The following TBC1D14 variants were observed in gnomAD, a reference collection of about 807,000 sequenced individuals.
TBC1D14 encodes TBC1 domain family member 14.
In TBC1D14, 26 loss-of-function variants were observed where a neutral mutation model predicts 79.0. The ratio of observed to expected loss-of-function variants is 0.33; its 90% confidence interval spans 0.24 to 0.46. The LOEUF (loss-of-function observed/expected upper bound fraction) is 0.46. TBC1D14 is among the 20% of genes least tolerant of loss of function. The pLI is 1.00. For synonymous variants in TBC1D14, 394 were observed against 349.9 expected, an observed-to-expected ratio of 1.13 and a Z score of -1.40; for missense variants, 769 against 887.6, an observed-to-expected ratio of 0.87 and a Z score of 1.70.
chr4:6,914,489 T>G (rs1023222303), intron 1 of TBC1D14, among the ~76,000 whole-genome samples: 4 of 152,218 alleles, frequency 2.6e-5, no homozygotes, highest in African/African-American at 9.6e-5. Flanking sequence ...TTAGGCTGTG[T>G]GTGTAGCAGT....
At chr4:6,935,715 C>T (rs1302114329) in intron 2 of TBC1D14, among the ~76,000 whole-genome samples, 1 of 150,214 alleles carries the variant, frequency 6.7e-6, no homozygotes, top group Non-Finnish European at 1.5e-5. Flanking sequence ...GTGATCTCGG[C>T]TCAATGCAGT....
At chr4:7,027,258 TG>T (rs1722472311) in intron 13 of TBC1D14, among the ~76,000 whole-genome samples, 1 of 150,378 alleles carries the variant, frequency 6.6e-6, no homozygotes, top group African/African-American at 2.5e-5. Flanking sequence ...CATTTCCCAC[TG>T]GGGGAGAGTT....
At chr4:6,954,333 G>A (rs554062839) in intron 2 of TBC1D14, 7 of 717,510 alleles carry the variant, frequency 9.8e-6, no homozygotes, top group African/African-American at 8.7e-5. Flanking sequence ...TCCTGTTCAT[G>A]GACAGGTTTG....
At chr4:7,008,786 A>G (rs1433560993) in intron 9 of TBC1D14, among the ~76,000 whole-genome samples, 2 of 152,240 alleles carry the variant, frequency 1.3e-5, no homozygotes, top group African/African-American at 4.8e-5. Flanking sequence ...CGAAATTACA[A>G]CGGTAGAAAA....
At chr4:6,965,384 A>T (rs1485647032) in intron 2 of TBC1D14, among the ~76,000 whole-genome samples, 1 of 151,994 alleles carries the variant, frequency 6.6e-6, no homozygotes, top group African/African-American at 2.4e-5. Context: ...CATGACATTG[A>T]CATTTTGAGA....
At chr4:6,992,200 T>C (rs1718568892) in intron 3 of TBC1D14, among the ~76,000 whole-genome samples, 1 of 152,170 alleles carries the variant, frequency 6.6e-6, no homozygotes, top group Non-Finnish European at 1.5e-5. Flanking sequence ...TTGAAGTGAG[T>C]ACCTTGCCCG....
chr4:7,008,185 G>C (rs112449392), intron 9 of TBC1D14, among the ~76,000 whole-genome samples: 8 of 152,184 alleles, frequency 5.3e-5, no homozygotes, highest in African/African-American at 1.9e-4. Context: ...AGGTCAAAGG[G>C]CCATATCCTA....
intron 12 of TBC1D14, among the ~76,000 whole-genome samples, chr4:7,023,656 G>C (rs1334483788): frequency 1.3e-5 from 2 of 152,234 alleles, no homozygotes; most frequent in South Asian, 4.1e-4. Context: ...AGACATCAGA[G>C]CGTGGGCGTT....
chr4:6,977,891 C>T (rs1235896221), intron 3 of TBC1D14, among the ~76,000 whole-genome samples: 1 of 151,164 alleles, frequency 6.6e-6, no homozygotes, highest in Non-Finnish European at 1.5e-5. Context: ...CTCTGCCCTG[C>T]CGCCCCGTCT....
chr4:6,950,519 G>T (rs576594536), intron 2 of TBC1D14, among the ~76,000 whole-genome samples: 1 of 152,068 alleles, frequency 6.6e-6, no homozygotes, highest in Non-Finnish European at 1.5e-5. Context: ...TTATTTCCTC[G>T]TTAAGTGTGA....
intron 4 of TBC1D14, among the ~76,000 whole-genome samples, chr4:6,994,837 C>A (rs1428154036): frequency 6.7e-6 from 1 of 149,828 alleles, no homozygotes; most frequent in African/African-American, 2.5e-5. Flanking sequence ...ACACTCCAGC[C>A]TGGGCAACAA....
chr4:6,975,863 C>T (rs1289723748), intron 3 of TBC1D14, among the ~76,000 whole-genome samples: 1 of 152,074 alleles, frequency 6.6e-6, no homozygotes, highest in Non-Finnish European at 1.5e-5. Context: ...GAGGCTGAGG[C>T]GGGTGGATCA....
At chr4:6,959,096 G>A (rs1343781127) in intron 2 of TBC1D14, among the ~76,000 whole-genome samples, 4 of 151,924 alleles carry the variant, frequency 2.6e-5, no homozygotes, top group African/African-American at 4.8e-5. Context: ...CGTTTTAGCC[G>A]GGATGGTCTG....
intron 2 of TBC1D14, among the ~76,000 whole-genome samples, chr4:6,948,606 C>A (rs536815174): frequency 3.3e-5 from 5 of 151,828 alleles, no homozygotes; most frequent in Middle Eastern, 3.2e-3. Context: ...GGGTCCCACT[C>A]GCGGTGTGTG....
chr4:6,947,452 C>T (rs367802956), intron 2 of TBC1D14, among the ~76,000 whole-genome samples: 2 of 149,184 alleles, frequency 1.3e-5, no homozygotes, highest in Non-Finnish European at 3.0e-5. Flanking sequence ...GAGCCGAGAT[C>T]GTGCCACTGC....
chr4:6,960,156 A>G (rs1233162551), intron 2 of TBC1D14, among the ~76,000 whole-genome samples: 1 of 144,496 alleles, frequency 6.9e-6, no homozygotes, highest in East Asian at 2.0e-4. Context: ...ATCTCAGCTC[A>G]CTGCAACCTC....
Position 7,004,904 on chromosome 4 carries a change from G to A in TBC1D14, c.1331G>A (p.Gly444Asp), listed in dbSNP as rs368129095. 1 of 1,614,030 alleles carries A rather than the reference G, an allele frequency of 6.2e-7. No individual in the cohort carries two copies. Among genetic ancestry groups the A allele is most frequent in the Non-Finnish European group, 8.5e-7 (1 of 1,180,016 alleles). Residue 444 changes from glycine to aspartate, a missense_variant, in exon 8 of 14, where the codon GGC becomes GAC. This residue lies in a region of TBC1D14 where 367 missense variants were observed against 494.4 expected (regional missense o/e 0.74). Coordinates refer to ENST00000409757, the MANE Select transcript of TBC1D14 (RefSeq NM_020773.3). ...AGGTGGCGGTCCCTTAGCACAGGAGGCTCTGAAGTGGAGAACGAAGGTAGA... is the reference window on the plus strand; with the variant it reads ...AGGTGGCGGTCCCTTAGCACAGGAGACTCTGAAGTGGAGAACGAAGGTAGA... ...KERWRSLSTGGSEVENEDAGF... is the reference protein window; with the variant it reads ...KERWRSLSTGDSEVENEDAGF...
At chr4:6,925,187 G>A (rs888238289) in intron 2 of TBC1D14, among the ~76,000 whole-genome samples, 4 of 152,112 alleles carry the variant, frequency 2.6e-5, no homozygotes, top group Non-Finnish European at 4.4e-5. Context: ...CAGCTACTTG[G>A]GAGGAGGAGG....
intron 2 of TBC1D14, among the ~76,000 whole-genome samples, chr4:6,962,721 G>GC (rs1178757123): frequency 3.3e-5 from 5 of 152,006 alleles, no homozygotes; most frequent in Admixed American, 6.6e-5. Context: ...CTCTCTCCCA[G>GC]CCCCCCACTG....
Sources: allele counts gnomAD v4.1 joint callset (sites outside exome capture counted in the v4.1 genomes callset), GRCh38; gene constraint gnomAD v4.1.1; regional missense constraint gnomAD v4.1.1; transcripts MANE v1.5; gene names NCBI Gene and HGNC (gene_info 2026-07-23, HGNC 2026-07-21).